NLGN4X: variants seen among roughly 807,000 people sequenced by gnomAD.
NLGN4X encodes neuroligin-4, X-linked.
In NLGN4X, 3 loss-of-function variants were observed where a neutral mutation model predicts 40.3. The observed-to-expected ratio is 0.07, with a 90% CI of 0.03 to 0.19. The LOEUF (loss-of-function observed/expected upper bound fraction) is 0.19. NLGN4X is among the 10% of genes least tolerant of loss of function. The pLI is 1.00. For synonymous variants in NLGN4X, 270 were observed against 306.8 expected, an observed-to-expected ratio of 0.88 and a Z score of 1.25; for missense variants, 382 against 708.3, an observed-to-expected ratio of 0.54 and a Z score of 5.23.
chrX:6,022,138 G>T (rs1377052485), intron 3 of NLGN4X, among the ~76,000 whole-genome samples: 1 of 111,405 alleles, frequency 9.0e-6, no homozygotes, highest in African/African-American at 3.3e-5. Context: ...TTTTAGTAAC[G>T]CCTGGGTCCT....
chrX:6,181,441 G>A (rs531164455), intron 1 of NLGN4X, among the ~76,000 whole-genome samples: 2 of 111,648 alleles, frequency 1.8e-5, no homozygotes, highest in South Asian at 7.6e-4. Flanking sequence ...TAGTAGTCCT[G>A]TTTCCCGCTG....
chrX:6,048,851 C>A (rs1279419943), intron 2 of NLGN4X, among the ~76,000 whole-genome samples: 2 of 59,693 alleles, frequency 3.4e-5, no homozygotes, highest in African/African-American at 1.4e-4. Context: ...TCAGGGAGGG[C>A]GGGGGGAAGG....
chrX:5,902,941 T>G (rs2031958017), intron 5 of NLGN4X, 136 bp downstream of exon 5: 1 of 685,566 alleles, frequency 1.5e-6, no homozygotes. Flanking sequence ...CGTGTGTCTG[T>G]GTGTATGTGT....
intron 2 of NLGN4X, among the ~76,000 whole-genome samples, chrX:6,090,620 TAA>T (rs1296506739): frequency 2.7e-5 from 3 of 112,146 alleles, no homozygotes; most frequent in Non-Finnish European, 5.6e-5. Flanking sequence ...AGAAATCTTG[TAA>T]AAACACTAGT....
chrX:6,042,730 T>TATATATATACACAC lies in NLGN4X; in HGVS notation c.473-13299_473-13298insGTGTGTATATATAT, dbSNP rs1215396694. Among the ~76,000 whole-genome samples the TATATATATACACAC allele has an allele frequency of 8.2e-3, 165 of 20,102 alleles. 2 individuals are homozygous for TATATATATACACAC. Among genetic ancestry groups the TATATATATACACAC allele is most frequent in the Non-Finnish European group, 9.3e-3 (102 of 10,987 alleles). 17.5% of individuals were successfully genotyped at this position (20,102 alleles called of 115,157 possible). The stretch of plus-strand genomic sequence containing the variant: ...ATATATATATATATATATATATATA[T>TATATATATACACAC]ACACACACACGTACACATATCTATA... On this transcript the variant is annotated intron_variant, in intron 2 of 5. Coordinates refer to ENST00000381095, the MANE Select transcript of NLGN4X (RefSeq NM_181332.3).
Position 5,909,139 on chromosome X carries a change from G to A in NLGN4X, c.726C>T (p.Gly242=), listed in dbSNP as rs753558783. ...RWIEENVGAF[G]GDPKRVTIFG... The stretch of plus-strand genomic sequence containing the variant: ...AGATGGTCACTCTCTTGGGGTCCCC[G>A]CCAAAGGCTCCCACATTCTCCTCAA... Residue 242 remains glycine, a synonymous_variant, in exon 4 of 6, where the codon GGC becomes GGT. Coordinates refer to ENST00000381095, the MANE Select transcript of NLGN4X (RefSeq NM_181332.3). The A allele has an allele frequency of 1.1e-5, 13 of 1,209,290 alleles. No individual in the cohort carries two copies. The highest frequency in any genetic ancestry group is 1.8e-5 in the African/African-American group (1 of 56,917).
intron 2 of NLGN4X, among the ~76,000 whole-genome samples, chrX:6,064,732 T>C (rs1447290981): frequency 9.0e-6 from 1 of 111,156 alleles, no homozygotes; most frequent in Non-Finnish European, 1.9e-5. Context: ...GACAAGTCGC[T>C]ACCATTCGAC....
chrX:6,043,467 T>G (rs767823807), intron 2 of NLGN4X, among the ~76,000 whole-genome samples: 1 of 111,562 alleles, frequency 9.0e-6, no homozygotes, highest in Admixed American at 9.5e-5. Flanking sequence ...AAAGTTTGCG[T>G]TCTGTTGCAT....
At chrX:6,142,349 G>A (rs902418349) in intron 2 of NLGN4X, among the ~76,000 whole-genome samples, 1 of 112,149 alleles carries the variant, frequency 8.9e-6, no homozygotes, top group African/African-American at 3.2e-5. Flanking sequence ...TTTTGAGCTG[G>A]GGGAGAGACA....
At chrX:5,920,219 G>A (rs1446065632) in intron 3 of NLGN4X, among the ~76,000 whole-genome samples, 3 of 112,241 alleles carry the variant, frequency 2.7e-5, no homozygotes, top group Non-Finnish European at 5.6e-5. Context: ...GAGAACAGAA[G>A]GAGTCCCGGT....
At chrX:6,172,103 T>G (rs1268031680) in intron 1 of NLGN4X, among the ~76,000 whole-genome samples, 1 of 111,904 alleles carries the variant, frequency 8.9e-6, no homozygotes, top group Non-Finnish European at 1.9e-5. Context: ...ATGAGCCAAT[T>G]AAACCTCTTT....
chrX:5,906,877 C>T (rs1030424019), intron 4 of NLGN4X, among the ~76,000 whole-genome samples: 2 of 110,670 alleles, frequency 1.8e-5, no homozygotes, highest in African/African-American at 6.6e-5. Context: ...TCAGGAAGTT[C>T]GAGACTAGCC....
intron 1 of NLGN4X, among the ~76,000 whole-genome samples, chrX:6,213,280 G>A (rs901780588): frequency 5.4e-5 from 6 of 111,436 alleles, no homozygotes; most frequent in Non-Finnish European, 9.4e-5. Flanking sequence ...GGCTCTAGTT[G>A]GTGGACATTC....
chrX:5,892,726 C>CT lies in NLGN4X; in HGVS notation c.*90dup. The CT allele has an allele frequency of 8.7e-7, 1 of 1,147,436 alleles. No homozygotes were observed. The highest frequency in any genetic ancestry group is 1.2e-6 in the Non-Finnish European group (1 of 850,146). 94.6% of individuals were successfully genotyped at this position (1,147,436 alleles called of 1,213,427 possible). ...AAAACATTCCTGGTCTGGAGACTTT[C>CT]TTTCTCTCTCTCTTTCCTTCTCTCT... On this transcript the variant is annotated 3_prime_UTR_variant, in exon 6 of 6. Transcript: ENST00000381095.
At chrX:6,121,667 A>G (rs2039427599) in intron 2 of NLGN4X, among the ~76,000 whole-genome samples, 1 of 112,284 alleles carries the variant, frequency 8.9e-6, no homozygotes, top group Non-Finnish European at 1.9e-5. Flanking sequence ...AGAATTTTCC[A>G]TGCCATCTTT....
chrX:6,183,560 AC>A (rs1569286896), intron 1 of NLGN4X, among the ~76,000 whole-genome samples: 1 of 110,700 alleles, frequency 9.0e-6, no homozygotes, highest in African/African-American at 3.3e-5. Context: ...AAAAAAAAAG[AC>A]AAAAAAGAAA....
intron 3 of NLGN4X, among the ~76,000 whole-genome samples, chrX:6,016,941 T>TAG (rs1197445677): frequency 9.0e-6 from 1 of 111,478 alleles, no homozygotes; most frequent in African/African-American, 3.3e-5. Flanking sequence ...AGGTAGATAG[T>TAG]TAGTGGAAGC....
At chrX:5,950,760 T>G (rs2034283240) in intron 3 of NLGN4X, among the ~76,000 whole-genome samples, 2 of 112,033 alleles carry the variant, frequency 1.8e-5, no homozygotes, top group Non-Finnish European at 3.8e-5. Context: ...GTTCAATCAC[T>G]GTGACCTTGA....
intron 5 of NLGN4X, among the ~76,000 whole-genome samples, chrX:5,895,141 C>T (rs2031417601): frequency 8.9e-6 from 1 of 112,493 alleles, no homozygotes; most frequent in Admixed American, 9.4e-5. Context: ...ATTTTATCCC[C>T]TCAGTCTGAG....
Sources: allele counts gnomAD v4.1 joint callset (sites outside exome capture counted in the v4.1 genomes callset), GRCh38; gene constraint gnomAD v4.1.1; transcripts MANE v1.5; gene names NCBI Gene and HGNC (gene_info 2026-07-23, HGNC 2026-07-21).